SCUBE2: variants seen among roughly 807,000 people sequenced by gnomAD.
The protein encoded by SCUBE2 is signal peptide, CUB domain and EGF like domain containing 2.
In SCUBE2, 114 loss-of-function variants were observed where a neutral mutation model predicts 125.9. The ratio of observed to expected loss-of-function variants is 0.91; its 90% confidence interval spans 0.78 to 1.06. The LOEUF (loss-of-function observed/expected upper bound fraction) is 1.06. SCUBE2 is among the 50% of genes least tolerant of loss of function. SCUBE2 has a pLI of 0.00. For missense variants in SCUBE2, 1,255 were observed against 1,301.8 expected (o/e 0.96, Z 0.55); for synonymous variants, 459 against 492.9 (o/e 0.93, Z 0.91).
intron 18 of SCUBE2, chr11:9,030,255 ATG>A: frequency 1.7e-6 from 1 of 591,702 alleles, no homozygotes; most frequent in East Asian, 2.9e-5. Context: ...GGAACAAGAT[ATG>A]TGTGTATCTC....
At chr11:9,045,610 GACACACACACAC>G (rs72142315) in intron 16 of SCUBE2, among the ~76,000 whole-genome samples, 24 of 99,228 alleles carry the variant, frequency 2.4e-4, no homozygotes, top group Non-Finnish European at 3.8e-4. Context: ...CAGACAGACA[GACACACACACAC>G]ACACACACAC....
At chr11:9,024,359 C>T (rs544026575) in intron 21 of SCUBE2, 25 of 1,286,598 alleles carry the variant, frequency 1.9e-5, no homozygotes, top group Non-Finnish European at 2.5e-5. Flanking sequence ...GGGTCCACCC[C>T]AAGAGATACT....
chr11:9,032,127 A>AT lies in SCUBE2; in HGVS notation c.2174-1203dup, dbSNP rs1039137673. Among the ~76,000 whole-genome samples, 1,259 of 145,650 alleles carry AT rather than the reference A, an allele frequency of 8.6e-3. 12 individuals carry two copies. The highest frequency in any genetic ancestry group is 0.026 in the African/African-American group (1,054 of 39,950). On this transcript the variant is annotated intron_variant, in intron 17 of 22. Transcript: ENST00000649792. ...TATTACTAATATTCTTATTGCTGTCATTTTTTTTTTTTTGAGACAGGGTCT... is the reference window on the plus strand; with the variant it reads ...TATTACTAATATTCTTATTGCTGTCATTTTTTTTTTTTTTGAGACAGGGTCT...
At position 9,059,352 on chromosome 11, in the gene SCUBE2, G is replaced by A. The variant is rs373065281; in HGVS notation, c.1041C>T (p.Cys347=). 31 of 1,614,040 alleles carry A rather than the reference G, an allele frequency of 1.9e-5. No individual in the cohort carries two copies. Among genetic ancestry groups the A allele is most frequent in the Admixed American group, 6.7e-5 (4 of 60,000 alleles). The change falls in exon 9 of 23, where the codon TGC becomes TGT. Residue 347 remains cysteine, a synonymous_variant. Coordinates refer to ENST00000649792, the MANE Select transcript of SCUBE2 (RefSeq NM_001367977.2). The stretch of plus-strand genomic sequence containing the variant: ...ATAATTTAAATCCTTTCTTGCAGCC[G>A]CAGTCAAAACTGCCCACGATGTTTT... ...FCKNIVGSFD[C]GCKKGFKLLT...
intron 1 of SCUBE2, chr11:9,090,405 C>T (rs1273008545): frequency 2.6e-5 from 4 of 153,468 alleles, no homozygotes; most frequent in Non-Finnish European, 4.4e-5. Context: ...CTACGTGCAG[C>T]CCAGGACAGT....
intron 21 of SCUBE2, 99 bp from the exon 22 acceptor site, chr11:9,022,054 T>G (rs1307189598): frequency 2.4e-6 from 2 of 849,646 alleles, no homozygotes; most frequent in Admixed American, 3.9e-5. Flanking sequence ...GCCCCTTCTG[T>G]GGCTGCTATC....
At chr11:9,076,203 C>T (rs150382023) in intron 3 of SCUBE2, among the ~76,000 whole-genome samples, 41 of 152,138 alleles carry the variant, frequency 2.7e-4, no homozygotes, top group African/African-American at 8.7e-4. Context: ...GGTAGAATCC[C>T]GGACCCTGCC....
chr11:9,040,553 C>CCGTGGGTACGT (rs1857133467), intron 16 of SCUBE2, among the ~76,000 whole-genome samples: 4 of 106,196 alleles, frequency 3.8e-5, no homozygotes, highest in African/African-American at 9.0e-5. Context: ...GGAGGGTACA[C>CCGTGGGTACGT]AGCATGGGTA....
At chr11:9,062,388 C>T (rs566280355) in intron 7 of SCUBE2, among the ~76,000 whole-genome samples, 5 of 152,330 alleles carry the variant, frequency 3.3e-5, no homozygotes, top group East Asian at 3.9e-4. Context: ...TATTAGCATT[C>T]GAGGATCTCC....
chr11:9,021,118 C>T lies in SCUBE2; in HGVS notation c.3014G>A (p.Arg1005Gln), dbSNP rs989416163. ...GATGAACGATCTTGGAAACATCTCT[C>T]GGGACTCCTGGGCTGTGTACTTGAA... ...NYFKYTAQES[R>Q]EMFPRSFIRL... The change falls in exon 23 of 23, where the codon CGA (arginine) becomes CAA (glutamine). Residue 1005 changes from arginine (R) to glutamine (Q), a missense_variant. Arg to Gln is a conservative substitution (Grantham distance 43). This residue lies in a region of SCUBE2 where 515 missense variants were observed against 515.7 expected (regional missense o/e 1.00). Coordinates refer to ENST00000649792, the MANE Select transcript of SCUBE2 (RefSeq NM_001367977.2). 3.7e-6 allele frequency: 6 copies of T among 1,613,570 alleles called. No individual in the cohort carries two copies. The highest frequency in any genetic ancestry group is 1.7e-5 in the Admixed American group (1 of 59,956).
chr11:9,033,741 A>G lies in SCUBE2; in HGVS notation c.2058T>C (p.Cys686=), dbSNP rs750386565. The part of the protein sequence containing the change: ...YDGARERCIL[C]PNGTFQNEEG... ...CCTCATTTTGGAAGGTTCCATTTGGACATAAAATGCAGCGTTCTCGTGCTC... is the reference window on the plus strand; with the variant it reads ...CCTCATTTTGGAAGGTTCCATTTGGGCATAAAATGCAGCGTTCTCGTGCTC... Residue 686 remains cysteine, a synonymous_variant, in exon 17 of 23, where the codon TGT becomes TGC. Transcript: ENST00000649792. 1 of 1,614,068 alleles carries G rather than the reference A, an allele frequency of 6.2e-7. No homozygotes were observed.
chr11:9,071,565 G>T (rs1033209938), intron 4 of SCUBE2, among the ~76,000 whole-genome samples: 1 of 152,186 alleles, frequency 6.6e-6, no homozygotes, highest in Non-Finnish European at 1.5e-5. Context: ...CCAGCAAATG[G>T]CCCTAGCTCT....
In SCUBE2 at chr11:9,050,458, C is replaced by T. The variant is rs1207081438; in HGVS notation, c.1639+148G>A. ...GCTCTTCTTCCTCTTGGGATGAGTC[C>T]CTGGAAGTTGGGGATGGTTCAGTTC... On this transcript the variant is annotated intron_variant, in intron 14 of 22. Transcript: ENST00000649792. The T allele has an allele frequency of 1.1e-5, 7 of 652,616 alleles. No individual in the cohort carries two copies. The Admixed American group carries it at 1.7e-4, about 16-fold the overall frequency. 40.4% of individuals were successfully genotyped at this position (652,616 alleles called of 1,614,324 possible).
At chr11:9,081,751 T>C (rs922152291) in intron 2 of SCUBE2, among the ~76,000 whole-genome samples, 1 of 152,232 alleles carries the variant, frequency 6.6e-6, no homozygotes, top group African/African-American at 2.4e-5. Context: ...GACACTTGGG[T>C]TGCTTCCACC....
intron 21 of SCUBE2, 128 bp downstream of exon 21, chr11:9,025,574 A>T (rs1006649499): frequency 8.6e-7 from 1 of 1,164,526 alleles, no homozygotes; most frequent in African/African-American, 1.5e-5. Flanking sequence ...TGAGTCAGCA[A>T]TGTCTTTTCC....
intron 16 of SCUBE2, among the ~76,000 whole-genome samples, chr11:9,046,243 C>A (rs559187871): frequency 6.6e-6 from 1 of 151,896 alleles, no homozygotes; most frequent in Admixed American, 6.6e-5. Context: ...CTCCTGACCT[C>A]GTGATCTGCC....
chr11:9,080,721 A>G (rs1260980835), intron 2 of SCUBE2, among the ~76,000 whole-genome samples: 3 of 152,124 alleles, frequency 2.0e-5, no homozygotes, highest in Non-Finnish European at 1.5e-5. Flanking sequence ...TTGATATAAT[A>G]CCAAATACAC....
intron 15 of SCUBE2, 76 bp from the exon 16 acceptor site, chr11:9,047,638 G>A: frequency 1.4e-6 from 2 of 1,429,776 alleles, no homozygotes; most frequent in Non-Finnish European, 1.9e-6. Context: ...TCAACTGCAG[G>A]CCCTACCAAC....
chr11:9,039,851 A>G (rs1857053559), intron 16 of SCUBE2, among the ~76,000 whole-genome samples: 1 of 152,220 alleles, frequency 6.6e-6, no homozygotes. Context: ...GAATAGTTAC[A>G]GCTTAGCTAT....
Sources: gnomAD v4.1 joint callset for allele counts (sites outside exome capture counted in the v4.1 genomes callset) on GRCh38, gnomAD v4.1.1 for gene constraint, gnomAD v4.1.1 regional missense constraint, MANE v1.5 for transcripts, NCBI Gene and HGNC (gene_info 2026-07-23, HGNC 2026-07-21) for gene names.